SYNRG: variants seen among roughly 807,000 people sequenced by gnomAD.
The protein encoded by SYNRG is synergin gamma.
Under a neutral mutation model 130.9 loss-of-function variants are expected in SYNRG, and 37 were observed. The observed-to-expected ratio is 0.28, with a 90% CI of 0.22 to 0.37. The LOEUF is 0.37. Ranked by LOEUF, SYNRG falls within the 10% of genes least tolerant of loss-of-function variation. The pLI is 1.00. For missense variants in SYNRG, 1,338 were observed against 1,588.9 expected (o/e 0.84, Z 2.68); for synonymous variants, 539 against 568.1 (o/e 0.95, Z 0.73).
intron 3 of SYNRG, among the ~76,000 whole-genome samples, chr17:37,595,241 A>C (rs1431511095): frequency 6.6e-6 from 1 of 152,226 alleles, no homozygotes; most frequent in Admixed American, 6.5e-5. Flanking sequence ...CTTCAAAACA[A>C]CAATGGTTTC....
At chr17:37,523,665 G>A (rs1026706646) in intron 19 of SYNRG, among the ~76,000 whole-genome samples, 1 of 152,212 alleles carries the variant, frequency 6.6e-6, no homozygotes, top group African/African-American at 2.4e-5. Context: ...ATCATCAGCT[G>A]TGTCTGAAAT....
At chr17:37,577,697 T>A in intron 6 of SYNRG, 84 bp from the exon 7 acceptor site, 39 of 232,128 alleles carry the variant, frequency 1.7e-4, no homozygotes, top group East Asian at 3.9e-4. Flanking sequence ...CCCATATTCT[T>A]TTTTTTTTTT....
At chr17:37,541,414 C>T (rs971449536) in intron 15 of SYNRG, 55 of 226,808 alleles carry the variant, frequency 2.4e-4, no homozygotes, top group South Asian at 1.6e-4. Flanking sequence ...TGGTGCTCTT[C>T]GGCTCCAGCT....
intron 19 of SYNRG, among the ~76,000 whole-genome samples, chr17:37,534,698 A>C (rs978974515): frequency 6.6e-6 from 1 of 152,172 alleles, no homozygotes. Context: ...TCAAGGGAAC[A>C]AGAAAAAGTT....
chr17:37,601,447 A>G (rs1367984221), intron 1 of SYNRG, among the ~76,000 whole-genome samples: 2 of 152,186 alleles, frequency 1.3e-5, no homozygotes, highest in African/African-American at 4.8e-5. Flanking sequence ...GTGGTAACAT[A>G]TACATAACAT....
chr17:37,609,141 T>A, intron 1 of SYNRG, 138 bp downstream of exon 1: 2 of 1,042,840 alleles, frequency 1.9e-6, no homozygotes, highest in Non-Finnish European at 2.5e-6. Flanking sequence ...TCGGCCTGGG[T>A]CCCTGGGGGA....
At position 37,519,342 on chromosome 17, in the gene SYNRG, A is replaced by AG. The variant is rs371825121; in HGVS notation, c.3814-272dup. 1.0e-3 allele frequency among the ~76,000 whole-genome samples: 152 copies of AG among 152,108 alleles called. 2 individuals are homozygous for AG. Among genetic ancestry groups the AG allele is most frequent in the African/African-American group, 3.5e-3 (146 of 41,490 alleles). On this transcript the variant is annotated intron_variant, in intron 21 of 21. Transcript: ENST00000612223. ...AAGGCAGACAGAGGTTATGGGGTGG[A>AG]GGGGGGGAATCATGATAAGGGGAAC...
intron 1 of SYNRG, among the ~76,000 whole-genome samples, chr17:37,604,292 T>C (rs902073401): frequency 6.6e-6 from 1 of 151,994 alleles, no homozygotes; most frequent in Non-Finnish European, 1.5e-5. Flanking sequence ...CCTTCATCAA[T>C]GATCTTAGCT....
intron 6 of SYNRG, among the ~76,000 whole-genome samples, chr17:37,581,383 T>C (rs2061323818): frequency 1.3e-5 from 2 of 151,832 alleles, no homozygotes; most frequent in Admixed American, 1.3e-4. Context: ...GTTCAAGTGA[T>C]TCTCGTGCCT....
intron 6 of SYNRG, among the ~76,000 whole-genome samples, chr17:37,580,387 T>C (rs574245679): frequency 1.3e-5 from 2 of 151,954 alleles, no homozygotes; most frequent in African/African-American, 4.8e-5. Context: ...CTCTGCTTTG[T>C]TCCCCCGGTT....
intron 19 of SYNRG, among the ~76,000 whole-genome samples, chr17:37,527,644 T>C (rs2056104011): frequency 6.6e-6 from 1 of 152,170 alleles, no homozygotes; most frequent in South Asian, 2.1e-4. Context: ...ATAATAACTA[T>C]TTACGCAGCA....
At chr17:37,535,794 A>G (rs1400067269) in intron 19 of SYNRG, among the ~76,000 whole-genome samples, 185 bp downstream of exon 19, 3 of 152,198 alleles carry the variant, frequency 2.0e-5, no homozygotes, top group Non-Finnish European at 4.4e-5. Flanking sequence ...TGGGCCTTAG[A>G]GAGATCAGAA....
intron 19 of SYNRG, among the ~76,000 whole-genome samples, chr17:37,531,530 C>A (rs542688554): frequency 1.6e-4 from 25 of 152,220 alleles, no homozygotes; most frequent in African/African-American, 6.0e-4. Flanking sequence ...AATCCCAGTA[C>A]TTTGGGAGGC....
chr17:37,520,741 G>A (rs1369876228), intron 19 of SYNRG, 93 bp from the exon 20 acceptor site: 23 of 960,922 alleles, frequency 2.4e-5, no homozygotes, highest in African/African-American at 8.0e-5. Flanking sequence ...CAGGCCTAGC[G>A]GCAAGTACAG....
intron 4 of SYNRG, 84 bp from the exon 5 acceptor site, chr17:37,585,514 A>C (rs1213592512): frequency 3.2e-6 from 3 of 937,244 alleles, no homozygotes; most frequent in Non-Finnish European, 4.9e-6. Context: ...AGTTTCAGCA[A>C]TATCATGTTG....
intron 14 of SYNRG, 56 bp from the exon 15 acceptor site, chr17:37,542,621 TA>T: frequency 7.1e-7 from 1 of 1,407,856 alleles, no homozygotes; most frequent in East Asian, 2.3e-5. Context: ...CAAAATGCCC[TA>T]AACTCTGTAG....
chr17:37,569,007 T>C (rs2060207110), intron 10 of SYNRG, 83 bp from the exon 11 acceptor site: 1 of 1,481,382 alleles, frequency 6.8e-7, no homozygotes, highest in Non-Finnish European at 9.1e-7. Context: ...TCTCAAAGAC[T>C]GCCTTTAAAA....
intron 3 of SYNRG, among the ~76,000 whole-genome samples, chr17:37,586,848 C>A (rs901585107): frequency 1.3e-5 from 2 of 152,022 alleles, no homozygotes; most frequent in Admixed American, 1.3e-4. Flanking sequence ...AACTATATGC[C>A]CACAAGTTAT....
chr17:37,555,917 T>A (rs2059087079), intron 13 of SYNRG, among the ~76,000 whole-genome samples: 1 of 151,468 alleles, frequency 6.6e-6, no homozygotes, highest in Non-Finnish European at 1.5e-5. Context: ...AAAATAAAAA[T>A]AAAAAAACAA....
Sources: allele counts gnomAD v4.1 joint callset (sites outside exome capture counted in the v4.1 genomes callset), GRCh38; gene constraint gnomAD v4.1.1; transcripts MANE v1.5; gene names NCBI Gene and HGNC (gene_info 2026-07-23, HGNC 2026-07-21).